Variants in TNRC6C observed in about 807,000 individuals in gnomAD.
The protein encoded by TNRC6C is trinucleotide repeat containing adaptor 6C.
In TNRC6C, 20 loss-of-function variants were observed where a neutral mutation model predicts 153.7. The observed-to-expected ratio is 0.13, with a 90% CI of 0.09 to 0.19. The LOEUF (loss-of-function observed/expected upper bound fraction) is 0.19. Ranked by LOEUF, TNRC6C falls within the 10% of genes least tolerant of loss-of-function variation. The pLI, the probability that TNRC6C is intolerant of heterozygous loss-of-function variation, is 1.00. For missense variants in TNRC6C, 1,987 were observed against 2,172.0 expected (o/e 0.91, Z 1.69); for synonymous variants, 811 against 841.4 (o/e 0.96, Z 0.63).
chr17:77,960,532 T>G (rs1408551730), intron 1 of TNRC6C, among the ~76,000 whole-genome samples: 3 of 152,358 alleles, frequency 2.0e-5, no homozygotes, highest in Non-Finnish European at 2.9e-5. Context: ...CCTGGAAACC[T>G]GGCTTGAGTG....
chr17:78,033,800 TAAG>T (rs774523871), intron 2 of TNRC6C, among the ~76,000 whole-genome samples: 14 of 152,152 alleles, frequency 9.2e-5, no homozygotes, highest in Admixed American at 1.3e-4. Flanking sequence ...GAGCATAAAA[TAAG>T]AAATTCATTC....
chr17:77,986,751 C>G (rs953200228), intron 1 of TNRC6C, among the ~76,000 whole-genome samples: 1 of 152,060 alleles, frequency 6.6e-6, no homozygotes, highest in Non-Finnish European at 1.5e-5. Flanking sequence ...GGTCTTCAGG[C>G]CCATCTGTTA....
intron 14 of TNRC6C, 114 bp downstream of exon 16, chr17:78,091,721 G>A (rs751739837): frequency 1.7e-6 from 2 of 1,201,330 alleles, no homozygotes; most frequent in Non-Finnish European, 1.1e-6. Flanking sequence ...CTGAAAGTTG[G>A]ATTTAAAATA....
In TNRC6C at chr17:78,104,604, C is replaced by G. The variant is rs1206868047; in HGVS notation, c.4832C>G (p.Ser1611Cys). ...TCCAGCTGGCAGTCCAGCAGCGCGTCCAGCCAGCCGCGGCTCAGCGCAGCG... is the reference window on the plus strand; with the variant it reads ...TCCAGCTGGCAGTCCAGCAGCGCGTGCAGCCAGCCGCGGCTCAGCGCAGCG... The change falls in exon 20 of 20, where the codon TCC (serine) becomes TGC (cysteine). Residue 1611 changes from serine to cysteine, a missense_variant. Physicochemically the swap from Ser to Cys is moderately radical, Grantham distance 112. This residue lies in a region of TNRC6C where 139 missense variants were observed against 148.5 expected (regional missense o/e 0.94). Transcript: ENST00000301624. The surrounding 1 kb of genome is among the most constrained non-coding windows in gnomAD (Gnocchi z 6.2). 2 of 1,552,204 alleles carry G rather than the reference C, an allele frequency of 1.3e-6. No individual in the cohort carries two copies. The highest frequency in any genetic ancestry group is 1.7e-4 in the Middle Eastern group (1 of 5,836).
intron 1 of TNRC6C, among the ~76,000 whole-genome samples, chr17:78,028,616 A>G (rs2071993387): frequency 6.6e-6 from 1 of 152,228 alleles, no homozygotes; most frequent in South Asian, 2.1e-4. Flanking sequence ...TAGATGGCCA[A>G]GTCCATGTTG....
chr17:78,060,278 A>G (rs1468634255), intron 3 of TNRC6C, among the ~76,000 whole-genome samples: 3 of 152,122 alleles, frequency 2.0e-5, no homozygotes, highest in African/African-American at 4.8e-5. Context: ...TCTTACAGCT[A>G]TCAATTCTGC....
At position 77,977,380 on chromosome 17, in the gene TNRC6C, C is replaced by T. The variant is rs914085128; in HGVS notation, c.-38+18112C>T. Among the ~76,000 whole-genome samples, 5 of 152,282 alleles carry T rather than the reference C, an allele frequency of 3.3e-5. No individual in the cohort carries two copies. The South Asian group carries it at 6.2e-4, about 19-fold the overall frequency. ...ATGAAGAGCATTAATGTATCATTTT[C>T]ATTTCCACTAGTATCTTTGCTAGAC... On this transcript the variant is annotated intron_variant, in intron 1 of 22. Coordinates refer to the TNRC6C transcript ENST00000636222.
intron 1 of TNRC6C, among the ~76,000 whole-genome samples, chr17:78,021,035 G>C (rs2071822388): frequency 6.6e-6 from 1 of 152,240 alleles, no homozygotes; most frequent in South Asian, 2.1e-4. Context: ...AACCAACACA[G>C]TCCTGGACTC....
intron 3 of TNRC6C, among the ~76,000 whole-genome samples, chr17:78,058,618 A>G (rs17639633): frequency 0.065 from 9,872 of 152,304 alleles, 360 homozygotes; most frequent in Middle Eastern, 0.099. Context: ...TCTTCCAACA[A>G]TGGCTAGAAG....
intron 1 of TNRC6C, among the ~76,000 whole-genome samples, chr17:78,025,528 G>T (rs1008763907): frequency 6.6e-6 from 1 of 152,126 alleles, no homozygotes; most frequent in Non-Finnish European, 1.5e-5. Flanking sequence ...TGACAATTAT[G>T]AATAAAGCTG....
intron 2 of TNRC6C, among the ~76,000 whole-genome samples, chr17:78,032,251 C>T (rs1283883334): frequency 2.0e-5 from 3 of 152,214 alleles, no homozygotes; most frequent in African/African-American, 7.2e-5. Flanking sequence ...TTCCACTAGG[C>T]GTTTCTAACT....
At chr17:78,102,426 TCCACTGG>T in intron 17 of TNRC6C, 41 bp from the exon 21 acceptor site, 1 of 1,548,402 alleles carries the variant, frequency 6.5e-7, no homozygotes. Flanking sequence ...GGCCGCACTA[TCCACTGG>T]CACGGGGCCT....
intron 10 of TNRC6C, among the ~76,000 whole-genome samples, chr17:78,082,606 G>C (rs1164662945): frequency 6.6e-6 from 1 of 152,184 alleles, no homozygotes; most frequent in African/African-American, 2.4e-5. Flanking sequence ...AGACCTAGAA[G>C]AGCTGTGGCA....
At chr17:77,959,537 G>A (rs1272291844) in intron 1 of TNRC6C, among the ~76,000 whole-genome samples, 1 of 152,188 alleles carries the variant, frequency 6.6e-6, no homozygotes, top group Non-Finnish European at 1.5e-5. Flanking sequence ...GAAGATGGAT[G>A]TGCCCCCTCC....
Position 78,075,907 on chromosome 17 carries a change from T to G in TNRC6C, c.3060+629T>G, listed in dbSNP as rs1417936528. Reference sequence around the variant, plus strand: ...AAAATTGAAGTAAGGAAGGACACATTAAAAAAAAAAGATCAACAATGGAAG... The same window carrying G: ...AAAATTGAAGTAAGGAAGGACACATGAAAAAAAAAAGATCAACAATGGAAG... On this transcript the variant is annotated intron_variant, in intron 8 of 19. Transcript: ENST00000301624. This position sits in a 1 kb window ranked among gnomAD's most constrained non-coding sequence, Gnocchi z 4.2. Among the ~76,000 whole-genome samples, 1 of 147,504 alleles carries G rather than the reference T, an allele frequency of 6.8e-6. No individual in the cohort carries two copies. The highest frequency in any genetic ancestry group is 2.5e-5 in the African/African-American group (1 of 40,312).
chr17:78,001,034 T>C (rs954786940), upstream of TNRC6C, among the ~76,000 whole-genome samples: 5 of 152,182 alleles, frequency 3.3e-5, no homozygotes, highest in Non-Finnish European at 7.3e-5. Flanking sequence ...ACCGAAATGA[T>C]ACCCACAGAG....
intron 16 of TNRC6C, among the ~76,000 whole-genome samples, chr17:78,096,679 T>C (rs1341871951): frequency 1.3e-5 from 2 of 152,236 alleles, no homozygotes; most frequent in Admixed American, 6.5e-5. Context: ...GCAGCCAGAC[T>C]GTGCTCATGT....
At chr17:78,082,683 G>C (rs1424010494) in intron 10 of TNRC6C, among the ~76,000 whole-genome samples, 1 of 151,602 alleles carries the variant, frequency 6.6e-6, no homozygotes, top group Non-Finnish European at 1.5e-5. Context: ...CCATTTATAG[G>C]CTCTCCCCAA....
chr17:78,010,899 G>A lies in TNRC6C; in HGVS notation c.-546+5820G>A, dbSNP rs145674905. Among the ~76,000 whole-genome samples the A allele has an allele frequency of 5.3e-3, 802 of 152,344 alleles. 9 individuals carry two copies. The highest frequency in any genetic ancestry group is 0.018 in the African/African-American group (747 of 41,578). ...AGAACCTCTGAGTAGGTACATGAAC[G>A]TATAAGTTCTTGAACAAATTGTGAA... On this transcript the variant is annotated intron_variant, in intron 1 of 19. Coordinates refer to ENST00000301624, the Ensembl canonical transcript of TNRC6C.
Sources: allele counts gnomAD v4.1 joint callset (sites outside exome capture counted in the v4.1 genomes callset), GRCh38; gene constraint gnomAD v4.1.1; regional missense constraint gnomAD v4.1.1; non-coding constraint Gnocchi (gnomAD v3.1); transcripts MANE v1.5; gene names NCBI Gene and HGNC (gene_info 2026-07-23, HGNC 2026-07-21).